PTPRK: variants seen among roughly 807,000 people sequenced by gnomAD.
The protein encoded by PTPRK is protein tyrosine phosphatase receptor type K.
In PTPRK, 75 loss-of-function variants were observed where a neutral mutation model predicts 178.0. The observed-to-expected ratio is 0.42, with a 90% CI of 0.35 to 0.51. The LOEUF is 0.51. PTPRK is among the 20% of genes least tolerant of loss of function. PTPRK has a pLI of 0.02. For synonymous variants in PTPRK, 637 were observed against 620.6 expected, an observed-to-expected ratio of 1.03 and a Z score of -0.39; for missense variants, 1,441 against 1,797.8, an observed-to-expected ratio of 0.80 and a Z score of 3.59.
rs150668582 is a variant in PTPRK, at chr6:128,005,228, G to T, written c.2350C>A (p.Arg784Ser). The change falls in exon 15 of 30, where the codon CGC (arginine) becomes AGC (serine). Residue 784 changes from arginine to serine, a missense_variant. Physicochemically the swap from Arg to Ser is moderately radical, Grantham distance 110. This residue lies in a region of PTPRK where 945 missense variants were observed against 1,080.6 expected (regional missense o/e 0.87). Coordinates refer to ENST00000368226, the MANE Select transcript of PTPRK (RefSeq NM_002844.4). ...IVKKSKLAKK[R>S]KDAMGNTRQE... Reference sequence around the variant, plus strand: ...CGGGTATTCCCCATGGCATCTTTGCGTTTTTTAGCAAGTTTGCTGCCAAGG... The same window carrying T: ...CGGGTATTCCCCATGGCATCTTTGCTTTTTTTAGCAAGTTTGCTGCCAAGG... The T allele has an allele frequency of 5.0e-6, 8 of 1,610,840 alleles. No homozygotes were observed. In the East Asian group the frequency reaches 1.3e-4, roughly 27 times the overall value.
At chr6:128,010,487 C>T (rs888793257) in intron 13 of PTPRK, among the ~76,000 whole-genome samples, 4 of 151,250 alleles carry the variant, frequency 2.6e-5, no homozygotes, top group Non-Finnish European at 5.9e-5. Flanking sequence ...CTTGGCTTCT[C>T]TATCCCCCTC....
intron 7 of PTPRK, among the ~76,000 whole-genome samples, chr6:128,160,371 C>G (rs1047979615): frequency 4.0e-5 from 6 of 151,538 alleles, no homozygotes; most frequent in African/African-American, 1.5e-4. Flanking sequence ...TCTAAAATGG[C>G]TGGTATGGAT....
intron 3 of PTPRK, among the ~76,000 whole-genome samples, chr6:128,249,274 C>T (rs562521866): frequency 7.1e-6 from 1 of 139,922 alleles, no homozygotes; most frequent in East Asian, 2.1e-4. Flanking sequence ...TTCTAGTGAT[C>T]AAAATCTATC....
At chr6:128,213,720 C>T (rs1808677965) in intron 6 of PTPRK, among the ~76,000 whole-genome samples, 1 of 151,992 alleles carries the variant, frequency 6.6e-6, no homozygotes, top group Non-Finnish European at 1.5e-5. Context: ...CCTTAGCCAC[C>T]AACTAGCAAA....
At chr6:128,205,563 G>GGAGTTTGAGACCAAACATGGCCAAT (rs1806783433) in intron 6 of PTPRK, among the ~76,000 whole-genome samples, 1 of 151,810 alleles carries the variant, frequency 6.6e-6, no homozygotes, top group Admixed American at 6.6e-5. Context: ...GTCCAGGTCA[G>GGAGTTTGAGACCAAACATGGCCAAT]GAGTTTGAGA....
chr6:128,461,213 T>A lies in PTPRK; in HGVS notation c.100+59046A>T, dbSNP rs373902793. Among the ~76,000 whole-genome samples the A allele has an allele frequency of 1.4e-4, 21 of 151,774 alleles. No individual in the cohort carries two copies. The South Asian group carries it at 4.2e-3, about 30-fold the overall frequency. ...ATGTATAACCACCTTGTGAAAAATG[T>A]TTTATCTTTTGTTATTCCGTGTGTG... On this transcript the variant is annotated intron_variant, in intron 1 of 29. Coordinates refer to ENST00000368226, the MANE Select transcript of PTPRK (RefSeq NM_002844.4).
intron 20 of PTPRK, 64 bp downstream of exon 20, chr6:127,991,230 C>T: frequency 7.8e-7 from 1 of 1,283,288 alleles, no homozygotes; most frequent in Non-Finnish European, 1.1e-6. Context: ...TTTTGAGTGT[C>T]TTACATGTTG....
intron 1 of PTPRK, among the ~76,000 whole-genome samples, chr6:128,452,847 T>C (rs1052186640): frequency 2.6e-5 from 4 of 152,158 alleles, no homozygotes; most frequent in African/African-American, 9.7e-5. Context: ...CTTCCGGAGA[T>C]GGCTACTCTC....
chr6:128,515,807 A>G lies in PTPRK; in HGVS notation c.100+4452T>C, dbSNP rs528962612. On this transcript the variant is annotated intron_variant, in intron 1 of 29. Coordinates refer to ENST00000368226, the MANE Select transcript of PTPRK (RefSeq NM_002844.4). ...AATCTTCCAGCATCTCTCTTCCTGC[A>G]CTCCATGAAAAGCAAGTAGGGGAAA... Among the ~76,000 whole-genome samples, 184 of 152,178 alleles carry G rather than the reference A, an allele frequency of 1.2e-3. 2 individuals are homozygous for G. The highest frequency in any genetic ancestry group is 4.1e-3 in the African/African-American group (170 of 41,520).
At chr6:128,010,128 A>AAAGAT (rs1778887341) in intron 13 of PTPRK, among the ~76,000 whole-genome samples, 1 of 151,312 alleles carries the variant, frequency 6.6e-6, no homozygotes, top group South Asian at 2.1e-4. Flanking sequence ...TGAGGCTTAC[A>AAAGAT]AAGATAAGGA....
chr6:128,419,220 T>C (rs1204737494), intron 1 of PTPRK, among the ~76,000 whole-genome samples: 1 of 152,238 alleles, frequency 6.6e-6, no homozygotes, highest in Non-Finnish European at 1.5e-5. Flanking sequence ...TGGAGTCTAC[T>C]AAATCTGTGC....
At chr6:128,085,834 C>T (rs1276040839) in intron 8 of PTPRK, among the ~76,000 whole-genome samples, 3 of 152,210 alleles carry the variant, frequency 2.0e-5, no homozygotes, top group Middle Eastern at 3.4e-3. Context: ...TTGTCGTGTA[C>T]TTGGATGATC....
intron 1 of PTPRK, among the ~76,000 whole-genome samples, chr6:128,503,621 ACT>A (rs549462224): frequency 1.4e-4 from 22 of 152,228 alleles, no homozygotes; most frequent in South Asian, 1.2e-3. Flanking sequence ...AATCAGATAA[ACT>A]CTGTCATACA....
chr6:128,395,953 T>C (rs1322320492), intron 2 of PTPRK, among the ~76,000 whole-genome samples: 1 of 152,210 alleles, frequency 6.6e-6, no homozygotes, highest in Non-Finnish European at 1.5e-5. Flanking sequence ...AGGAAATATT[T>C]ACCATATTCA....
intron 2 of PTPRK, among the ~76,000 whole-genome samples, chr6:128,369,535 A>T (rs1835979762): frequency 6.6e-6 from 1 of 152,144 alleles, no homozygotes; most frequent in Admixed American, 6.6e-5. Context: ...TTGACATACA[A>T]AAGAATATTT....
At chr6:128,319,504 T>A (rs1027477872) in intron 3 of PTPRK, among the ~76,000 whole-genome samples, 5 of 152,140 alleles carry the variant, frequency 3.3e-5, no homozygotes, top group African/African-American at 1.2e-4. Context: ...AATAAAAAAC[T>A]TGAAAAGAAT....
At chr6:128,476,658 C>T (rs987420706) in intron 1 of PTPRK, among the ~76,000 whole-genome samples, 3 of 151,966 alleles carry the variant, frequency 2.0e-5, no homozygotes, top group African/African-American at 7.2e-5. Context: ...TTTCAACACT[C>T]TTTTTACTGT....
chr6:128,009,438 T>G (rs963305991), intron 13 of PTPRK, among the ~76,000 whole-genome samples, 170 bp from the exon 14 acceptor site: 1 of 150,140 alleles, frequency 6.7e-6, no homozygotes, highest in African/African-American at 2.4e-5. Context: ...AGATTTAGGG[T>G]TGAGGTAAGG....
intron 6 of PTPRK, among the ~76,000 whole-genome samples, chr6:128,186,914 A>G (rs1050086566): frequency 6.6e-6 from 1 of 152,180 alleles, no homozygotes; most frequent in Non-Finnish European, 1.5e-5. Flanking sequence ...TTGTGAATAA[A>G]CTGAGTTGCC....
Sources: allele counts gnomAD v4.1 joint callset (sites outside exome capture counted in the v4.1 genomes callset), GRCh38; gene constraint gnomAD v4.1.1; regional missense constraint gnomAD v4.1.1; transcripts MANE v1.5; gene names NCBI Gene and HGNC (gene_info 2026-07-23, HGNC 2026-07-21).